Variants in GRIK2 observed in about 807,000 individuals in gnomAD.
GRIK2 encodes the protein glutamate ionotropic receptor kainate type subunit 2.
GRIK2 carries 32 observed loss-of-function variants against 100.3 expected under a neutral mutation model. That is an observed-to-expected ratio of 0.32 (90% CI 0.24 to 0.43). GRIK2 has a LOEUF of 0.43. Ranked by LOEUF, GRIK2 falls within the 20% of genes least tolerant of loss-of-function variation. The probability of loss-of-function intolerance (pLI) is 1.00; values close to 1 mark genes in which losing one functional copy is unlikely to be tolerated. For synonymous variants in GRIK2, 417 were observed against 389.4 expected (o/e 1.07, Z -0.83); for missense variants, 843 against 1,114.9 (o/e 0.76, Z 3.47).
At chr6:101,434,394 T>C (rs1375571315) in intron 2 of GRIK2, among the ~76,000 whole-genome samples, 1 of 152,208 alleles carries the variant, frequency 6.6e-6, no homozygotes, top group African/African-American at 2.4e-5. Context: ...GGATCTTCAA[T>C]GGCAAAGTCT....
chr6:102,012,198 A>G (rs926578429), intron 14 of GRIK2, among the ~76,000 whole-genome samples: 28 of 151,822 alleles, frequency 1.8e-4, no homozygotes, highest in Non-Finnish European at 3.4e-4. Flanking sequence ...TGTTCTATTG[A>G]TCAACTTATC....
intron 2 of GRIK2, among the ~76,000 whole-genome samples, chr6:101,507,945 A>G (rs939810745): frequency 1.3e-5 from 2 of 152,194 alleles, no homozygotes; most frequent in African/African-American, 4.8e-5. Context: ...ATCAAATACT[A>G]TATAATAGAA....
At chr6:101,867,329 G>A (rs1785113549) in intron 11 of GRIK2, among the ~76,000 whole-genome samples, 1 of 151,900 alleles carries the variant, frequency 6.6e-6, no homozygotes, top group African/African-American at 2.4e-5. Flanking sequence ...TCAGACGATA[G>A]AGACATTAGG....
intron 11 of GRIK2, among the ~76,000 whole-genome samples, chr6:101,864,113 C>T (rs573760364): frequency 4.1e-4 from 59 of 143,858 alleles, no homozygotes; most frequent in Non-Finnish European, 6.3e-4. Flanking sequence ...GTCCGCAGTC[C>T]GGCCTGGGCG....
intron 4 of GRIK2, among the ~76,000 whole-genome samples, chr6:101,633,497 A>G (rs1031643644): frequency 4.6e-5 from 7 of 152,156 alleles, no homozygotes; most frequent in Admixed American, 6.6e-5. Flanking sequence ...TGCCTCATAG[A>G]GGAAACATAA....
At chr6:101,654,958 T>C (rs978906506) in intron 4 of GRIK2, among the ~76,000 whole-genome samples, 2 of 152,184 alleles carry the variant, frequency 1.3e-5, no homozygotes, top group Admixed American at 1.3e-4. Context: ...AGATGACATA[T>C]ATATGGGGAT....
At chr6:101,907,473 A>T (rs560745311) in intron 12 of GRIK2, among the ~76,000 whole-genome samples, 2 of 151,848 alleles carry the variant, frequency 1.3e-5, no homozygotes, top group East Asian at 3.9e-4. Context: ...AGATGACCTA[A>T]CAAGAATCCA....
intron 2 of GRIK2, among the ~76,000 whole-genome samples, chr6:101,615,335 C>T (rs375406870): frequency 1.3e-5 from 2 of 151,632 alleles, no homozygotes; most frequent in African/African-American, 4.8e-5. Context: ...ATGTTTTGAA[C>T]CTAAAAAGTT....
At chr6:101,719,586 G>A (rs1774329715) in intron 7 of GRIK2, among the ~76,000 whole-genome samples, 2 of 151,980 alleles carry the variant, frequency 1.3e-5, no homozygotes, top group South Asian at 2.1e-4. Flanking sequence ...TTGGAGTTCA[G>A]TGGGCAGTTA....
intron 15 of GRIK2, among the ~76,000 whole-genome samples, chr6:102,036,230 A>AATAAACACAC (rs1554195344): frequency 2.1e-5 from 3 of 146,212 alleles, no homozygotes; most frequent in African/African-American, 5.0e-5. Flanking sequence ...GCCGTAAGTA[A>AATAAACACAC]ACACACACAC....
intron 7 of GRIK2, among the ~76,000 whole-genome samples, chr6:101,798,133 T>TAAACA (rs1333176339): frequency 2.6e-5 from 4 of 151,712 alleles, no homozygotes; most frequent in African/African-American, 9.7e-5. Context: ...GAAAGAGGAA[T>TAAACA]TACTGGGTTA....
At chr6:101,869,132 C>T (rs1169315582) in intron 11 of GRIK2, among the ~76,000 whole-genome samples, 1 of 151,818 alleles carries the variant, frequency 6.6e-6, no homozygotes, top group Non-Finnish European at 1.5e-5. Flanking sequence ...CGTATTCTAC[C>T]TGAGGGATGT....
At chr6:101,746,635 A>G (rs1207359597) in intron 7 of GRIK2, among the ~76,000 whole-genome samples, 4 of 152,162 alleles carry the variant, frequency 2.6e-5, no homozygotes, top group African/African-American at 7.2e-5. Flanking sequence ...CCTACCTTCA[A>G]ATTTTTGTCT....
intron 15 of GRIK2, among the ~76,000 whole-genome samples, chr6:102,046,062 T>G (rs2114473214): frequency 6.6e-6 from 1 of 152,150 alleles, no homozygotes; most frequent in Non-Finnish European, 1.5e-5. Context: ...TACTTAGAGT[T>G]CAAGTGAAAA....
intron 10 of GRIK2, among the ~76,000 whole-genome samples, chr6:101,842,099 A>C (rs1208507657): frequency 2.0e-5 from 3 of 152,152 alleles, no homozygotes; most frequent in African/African-American, 4.8e-5. Flanking sequence ...CCTGGCACAA[A>C]ATTGTCAGTG....
intron 2 of GRIK2, among the ~76,000 whole-genome samples, chr6:101,573,167 G>A (rs548285653): frequency 6.4e-4 from 98 of 152,212 alleles, no homozygotes; most frequent in African/African-American, 2.2e-3. Context: ...GATAATTCAC[G>A]TGTGGTGATG....
chr6:102,032,525 T>C (rs1291303399), intron 14 of GRIK2, among the ~76,000 whole-genome samples: 1 of 151,090 alleles, frequency 6.6e-6, no homozygotes, highest in Non-Finnish European at 1.5e-5. Context: ...TCCTTATTTA[T>C]TTTGCTATCA....
At chr6:101,621,915 TA>T (rs1334246360) in intron 2 of GRIK2, 33 bp from the exon 3 acceptor site, 2 of 1,472,644 alleles carry the variant, frequency 1.4e-6, no homozygotes, top group Non-Finnish European at 1.9e-6. Flanking sequence ...TTTATTCTTG[TA>T]AAATTTATGA....
intron 7 of GRIK2, among the ~76,000 whole-genome samples, chr6:101,774,751 T>C (rs868760259): frequency 1.3e-4 from 20 of 152,180 alleles, no homozygotes; most frequent in South Asian, 4.1e-4. Flanking sequence ...GTTTGAAAAT[T>C]ATCTAAACAT....
Sources: allele counts gnomAD v4.1 joint callset (sites outside exome capture counted in the v4.1 genomes callset), GRCh38; gene constraint gnomAD v4.1.1; transcripts MANE v1.5; gene names NCBI Gene and HGNC (gene_info 2026-07-23, HGNC 2026-07-21).